Variants in HK1 observed in about 807,000 individuals in gnomAD.
HK1 encodes the protein hexokinase-1.
Under a neutral mutation model 91.6 loss-of-function variants are expected in HK1, and 28 were observed. That is an observed-to-expected ratio of 0.31 (90% CI 0.23 to 0.42). The LOEUF is 0.42. Ranked by LOEUF, HK1 falls within the 10% of genes least tolerant of loss-of-function variation. The pLI, the probability that HK1 is intolerant of heterozygous loss-of-function variation, is 1.00. For synonymous variants in HK1, 430 were observed against 468.1 expected, an observed-to-expected ratio of 0.92 and a Z score of 1.05; for missense variants, 770 against 1,219.8, an observed-to-expected ratio of 0.63 and a Z score of 5.49.
chr10:69,290,507 G>A (rs1845250649), intron 3 of HK1, among the ~76,000 whole-genome samples: 1 of 152,000 alleles, frequency 6.6e-6, no homozygotes, highest in East Asian at 1.9e-4. Flanking sequence ...GTTTGTTGTT[G>A]TTGTTTTTGA....
At chr10:69,381,450 T>C (rs1344393474) in intron 9 of HK1, among the ~76,000 whole-genome samples, 15 of 152,204 alleles carry the variant, frequency 9.9e-5, no homozygotes, top group African/African-American at 3.6e-4. Context: ...TCTTGGCTAA[T>C]TTTTTGGACA....
At chr10:69,315,872 C>G (rs1201055519), upstream of HK1, 1 of 1,414,340 alleles carries the variant, frequency 7.1e-7, no homozygotes, top group Non-Finnish European at 1.0e-6. Context: ...AAAACTCTAC[C>G]ACAACCTGAC....
At chr10:69,350,928 T>C (rs2132715700) in intron 2 of HK1, among the ~76,000 whole-genome samples, 1 of 150,140 alleles carries the variant, frequency 6.7e-6, no homozygotes, top group East Asian at 2.0e-4. Flanking sequence ...CCCAGCACTT[T>C]GGGAGGCCAA....
At chr10:69,290,714 G>C (rs555078064) in intron 3 of HK1, among the ~76,000 whole-genome samples, 1 of 152,254 alleles carries the variant, frequency 6.6e-6, no homozygotes, top group Non-Finnish European at 1.5e-5. Context: ...TGGCCAGGCT[G>C]GTCTCGAACT....
upstream of HK1, among the ~76,000 whole-genome samples, chr10:69,312,920 G>A (rs950145721): frequency 5.9e-5 from 9 of 152,274 alleles, no homozygotes; most frequent in Admixed American, 5.9e-4. Flanking sequence ...GTATTTTGGG[G>A]TGAATTATGT....
rs552384495 is a variant in HK1, at chr10:69,393,606, G to C, written c.2219+1298G>C. 7.9e-5 allele frequency among the ~76,000 whole-genome samples: 12 copies of C among 152,338 alleles called. No homozygotes were observed. In the South Asian group the frequency reaches 2.5e-3, roughly 32 times the overall value. On this transcript the variant is annotated intron_variant, in intron 15 of 17. Coordinates refer to ENST00000359426, the MANE Select transcript of HK1 (RefSeq NM_000188.3). ...GCCACCGTGCCCAGTGGCCTTTAAG[G>C]TCTTTACTGACATTTAATGAAGGAG...
intron 7 of HK1, among the ~76,000 whole-genome samples, chr10:69,373,731 C>T (rs762007862): frequency 1.3e-5 from 2 of 151,990 alleles, no homozygotes; most frequent in Non-Finnish European, 2.9e-5. Flanking sequence ...GCTGGGACCA[C>T]AGGCAGCAGT....
intron 4 of HK1, among the ~76,000 whole-genome samples, chr10:69,297,825 G>A (rs987873301): frequency 8.6e-5 from 13 of 151,182 alleles, no homozygotes; most frequent in African/African-American, 2.0e-4. Flanking sequence ...GAACCTGGGA[G>A]GCGGAGGTTG....
At chr10:69,287,822 A>G (rs1845100271) in intron 2 of HK1, among the ~76,000 whole-genome samples, 1 of 152,140 alleles carries the variant, frequency 6.6e-6, no homozygotes, top group Admixed American at 6.6e-5. Flanking sequence ...ATAGCCTTAA[A>G]AAGTTATAGG....
At position 69,379,933 on chromosome 10, in the gene HK1, G is replaced by C. The variant is rs770425565; in HGVS notation, c.1103G>C (p.Cys368Ser). 1 of 1,614,208 alleles carries C rather than the reference G, an allele frequency of 6.2e-7. No homozygotes were observed. The highest frequency in any genetic ancestry group is 1.7e-5 in the Admixed American group (1 of 60,028). Residue 368 changes from cysteine to serine, a missense_variant, in exon 9 of 18, where the codon TGT (cysteine) becomes TCT (serine). This residue lies in a region of HK1 where 449 missense variants were observed against 665.1 expected (regional missense o/e 0.68). Transcript: ENST00000359426. ...RLGVEPSDDD[C>S]VSVQHVCTIV... is the part of the protein sequence containing the mutation. ...GGAGTGGAGCCGTCCGATGATGACT[G>C]TGTCTCAGTCCAGCACGTTTGCACC...
At chr10:69,287,936 C>T (rs1845106872) in intron 2 of HK1, among the ~76,000 whole-genome samples, 1 of 143,382 alleles carries the variant, frequency 7.0e-6, no homozygotes, top group Admixed American at 7.1e-5. Flanking sequence ...ACCAGGGGTT[C>T]AAGACCAGCT....
In HK1 at chr10:69,379,871, A is replaced by G; in HGVS notation, c.1041A>G (p.Glu347=). 6.2e-7 allele frequency: 1 copy of G among 1,611,394 alleles called. No homozygotes were observed. The highest frequency in any genetic ancestry group is 1.1e-5 in the South Asian group (1 of 91,024). Residue 347 remains glutamate, a synonymous_variant, in exon 9 of 18, where the codon GAA becomes GAG. Transcript: ENST00000359426. ...GCTTCTAACTTCACAGGAATAAGGAAGGCCTCCACAATGCCAAAGAAATCC... is the reference window on the plus strand; with the variant it reads ...GCTTCTAACTTCACAGGAATAAGGAGGGCCTCCACAATGCCAAAGAAATCC... The part of the protein sequence containing the change: ...SDVSAIEKNK[E]GLHNAKEILT...
At chr10:69,358,795 C>G (rs10762284) in intron 2 of HK1, among the ~76,000 whole-genome samples, 70,133 of 150,082 alleles carry the variant, frequency 0.47, 17,410 homozygotes, top group African/African-American at 0.64. Context: ...CCTGGGAGGC[C>G]AAGGTTGCAG....
At chr10:69,350,010 C>T (rs748255770) in intron 2 of HK1, among the ~76,000 whole-genome samples, 9 of 152,106 alleles carry the variant, frequency 5.9e-5, no homozygotes, top group Non-Finnish European at 1.0e-4. Context: ...ATTCATAGGC[C>T]ATCTCTCCTC....
rs1318428592 is a variant in HK1, at chr10:69,382,577, G to T, written c.1356G>T (p.Gly452=). The T allele has an allele frequency of 6.2e-7, 1 of 1,614,046 alleles. No individual in the cohort carries two copies. Among genetic ancestry groups the T allele is most frequent in the East Asian group, 2.2e-5 (1 of 44,882 alleles). The change falls in exon 10 of 18, where the codon GGG becomes GGT. Residue 452 remains glycine (G), a synonymous_variant. Transcript: ENST00000359426. ...FLLSESGSGK[G]AAMVTAVAYR... is the part of the protein sequence containing the mutation. ...TCTCGGAGAGTGGCAGCGGCAAGGG[G>T]GCTGCCATGGTGACGGCGGTGGCCT...
intron 2 of HK1, among the ~76,000 whole-genome samples, chr10:69,345,646 G>C (rs1377819224): frequency 6.6e-6 from 1 of 152,038 alleles, no homozygotes; most frequent in African/African-American, 2.4e-5. Flanking sequence ...GAGGCACCTG[G>C]CCCTGTGTGA....
rs140844062 is a variant in HK1, at chr10:69,273,643, C to T, written c.-391+3535C>T. Reference sequence around the variant, plus strand: ...CTGGGATTACAGGCATGAGCCACTGCGCCCAGCCAGTTTGCATAATCTCCA... The same window carrying T: ...CTGGGATTACAGGCATGAGCCACTGTGCCCAGCCAGTTTGCATAATCTCCA... On this transcript the variant is annotated intron_variant, in intron 1 of 21. Transcript: ENST00000360289. 1.6e-4 allele frequency among the ~76,000 whole-genome samples: 25 copies of T among 152,344 alleles called. No individual in the cohort carries two copies. In the East Asian group the frequency reaches 3.1e-3, roughly 19 times the overall value.
chr10:69,395,724 G>C (rs1840105345), intron 16 of HK1, among the ~76,000 whole-genome samples: 1 of 152,144 alleles, frequency 6.6e-6, no homozygotes, highest in South Asian at 2.1e-4. Context: ...ACTTGTATTG[G>C]GGGTGCATAG....
intron 13 of HK1, among the ~76,000 whole-genome samples, chr10:69,388,263 G>A (rs1839739712): frequency 6.6e-6 from 1 of 152,096 alleles, no homozygotes; most frequent in African/African-American, 2.4e-5. Flanking sequence ...AACGTAGTAA[G>A]ACCCCGTCTC....
Sources: allele counts gnomAD v4.1 joint callset (sites outside exome capture counted in the v4.1 genomes callset), GRCh38; gene constraint gnomAD v4.1.1; regional missense constraint gnomAD v4.1.1; transcripts MANE v1.5; gene names NCBI Gene and HGNC (gene_info 2026-07-23, HGNC 2026-07-21).